The following PCDHGA3 variants were observed in gnomAD, a reference collection of about 807,000 sequenced individuals.
PCDHGA3 encodes the protein protocadherin gamma subfamily A, 3, also known as protocadherin gamma-A3.
PCDHGA3 carries 40 observed loss-of-function variants against 58.5 expected under a neutral mutation model. The observed-to-expected ratio is 0.68, with a 90% CI of 0.53 to 0.89. PCDHGA3 has a LOEUF of 0.89. Among genes scored for constraint, PCDHGA3 ranks in the 40% least tolerant of loss-of-function variants. PCDHGA3 has a pLI of 0.00. For missense variants in PCDHGA3, 1,223 were observed against 1,195.9 expected, an observed-to-expected ratio of 1.02 and a Z score of -0.33; for synonymous variants, 530 against 525.7, an observed-to-expected ratio of 1.01 and a Z score of -0.11.
At chr5:141,350,909 C>T (rs1289201700) in intron 1 of PCDHGA3, 1 of 1,614,066 alleles carries the variant, frequency 6.2e-7, no homozygotes. Flanking sequence ...TGGCGGGGAC[C>T]CGCCTCTAAG....
chr5:141,494,878 T>A lies in PCDHGA3; in HGVS notation c.2483+13T>A. Reference sequence around the variant, plus strand: ...CCGGCACCAGCGGGTAGGTGACTGATTCTCCAGCCCACCCTCTTCTCTGCG... The same window carrying A: ...CCGGCACCAGCGGGTAGGTGACTGAATCTCCAGCCCACCCTCTTCTCTGCG... On this transcript the variant is annotated intron_variant, in intron 2 of 3. Coordinates refer to ENST00000253812, the MANE Select transcript of PCDHGA3 (RefSeq NM_018916.4). The A allele has an allele frequency of 6.2e-7, 1 of 1,614,072 alleles. No homozygotes were observed. The highest frequency in any genetic ancestry group is 8.5e-7 in the Non-Finnish European group (1 of 1,179,986).
chr5:141,352,257 A>C, intron 1 of PCDHGA3: 2 of 1,614,052 alleles, frequency 1.2e-6, no homozygotes, highest in South Asian at 2.2e-5. Context: ...AGCCTGCAAG[A>C]GGTATTGCCA....
chr5:141,436,501 G>A (rs1382579407), intron 1 of PCDHGA3, among the ~76,000 whole-genome samples: 1 of 152,118 alleles, frequency 6.6e-6, no homozygotes, highest in Admixed American at 6.5e-5. Context: ...TTGCAATTAG[G>A]TAAATTGTTA....
At position 141,388,709 on chromosome 5, in the gene PCDHGA3, C is replaced by G. The variant is rs370023698; in HGVS notation, c.2424+42252C>G. On this transcript the variant is annotated intron_variant, in intron 1 of 3. Coordinates refer to ENST00000253812, the MANE Select transcript of PCDHGA3 (RefSeq NM_018916.4). Reference sequence around the variant, plus strand: ...CGGACCAGGATGAGGGTGTCAATGCCGAGATTACTTTCTCTTTCAGTGAAG... The same window carrying G: ...CGGACCAGGATGAGGGTGTCAATGCGGAGATTACTTTCTCTTTCAGTGAAG... 1.4e-5 allele frequency: 22 copies of G among 1,613,938 alleles called. No individual in the cohort carries two copies. In the Admixed American group the frequency reaches 3.7e-4, roughly 27 times the overall value.
Position 141,374,129 on chromosome 5 carries a change from C to T in PCDHGA3, c.2424+27672C>T. 4 of 1,603,566 alleles carry T rather than the reference C, an allele frequency of 2.5e-6. No individual in the cohort carries two copies. In the South Asian group the frequency reaches 4.4e-5, roughly 18 times the overall value. On this transcript the variant is annotated intron_variant, in intron 1 of 3. Transcript: ENST00000253812. ...TCCGCAGCGCAGCGAGCAGGTCCTG[C>T]TCCTCACGCTCCTGGGGACGCTGTG... is the stretch of plus-strand genomic sequence containing the variant.
intron 1 of PCDHGA3, chr5:141,403,819 T>A (rs1264553327): frequency 1.2e-6 from 2 of 1,613,784 alleles, no homozygotes; most frequent in Admixed American, 3.3e-5. Flanking sequence ...AAAAACAATC[T>A]CTGCTATTCC....
At chr5:141,398,811 C>G in intron 1 of PCDHGA3, 1 of 1,613,980 alleles carries the variant, frequency 6.2e-7, no homozygotes. Context: ...CCACTGAGCT[C>G]CGGATCCAGG....
intron 3 of PCDHGA3, chr5:141,507,274 C>T (rs1000866082): frequency 1.3e-5 from 2 of 151,532 alleles, no homozygotes; most frequent in Non-Finnish European, 2.9e-5. Context: ...ACTATTTCAG[C>T]ATAAGTCAGT....
At chr5:141,456,312 G>A (rs1036961015) in intron 1 of PCDHGA3, among the ~76,000 whole-genome samples, 2 of 152,126 alleles carry the variant, frequency 1.3e-5, no homozygotes, top group African/African-American at 4.8e-5. Flanking sequence ...AGCAGCTAGG[G>A]CTCCTCCTGG....
rs371232283 is a variant in PCDHGA3, at chr5:141,390,337, C to T, written c.2424+43880C>T. ...CATTGCCTACCCATTTCTCCATATT[C>T]ACAAGAAAATATACATATTTGCAGG... On this transcript the variant is annotated intron_variant, in intron 1 of 3. Coordinates refer to ENST00000253812, the MANE Select transcript of PCDHGA3 (RefSeq NM_018916.4). 9.4e-6 allele frequency: 15 copies of T among 1,595,800 alleles called. No homozygotes were observed. In the African/African-American group the frequency reaches 1.5e-4, roughly 16 times the overall value.
intron 1 of PCDHGA3, chr5:141,421,294 A>G (rs779984795): frequency 1.9e-6 from 3 of 1,613,304 alleles, no homozygotes; most frequent in Non-Finnish European, 2.5e-6. Context: ...TTTCCTGGGG[A>G]CGCTGCGGGG....
At chr5:141,480,942 G>T (rs2099528600) in intron 1 of PCDHGA3, among the ~76,000 whole-genome samples, 3 of 152,132 alleles carry the variant, frequency 2.0e-5, no homozygotes, top group Non-Finnish European at 2.9e-5. Flanking sequence ...CTACTCTAGA[G>T]GCTGAGGCGG....
chr5:141,415,128 G>C (rs376477668), intron 1 of PCDHGA3: 33 of 1,613,528 alleles, frequency 2.0e-5, no homozygotes, highest in Admixed American at 5.0e-5. Context: ...TGGCCGTCCA[G>C]GACCACGGCC....
chr5:141,428,267 T>C, intron 1 of PCDHGA3: 1 of 796,264 alleles, frequency 1.3e-6, no homozygotes, highest in Non-Finnish European at 2.1e-6. Context: ...GACAGTCCTG[T>C]GCCCTCTGAT....
chr5:141,366,387 A>G, intron 1 of PCDHGA3: 1 of 1,614,088 alleles, frequency 6.2e-7, no homozygotes, highest in East Asian at 2.2e-5. Context: ...GACCCTGAGG[A>G]TCTGGACCTC....
intron 1 of PCDHGA3, chr5:141,410,254 C>T: frequency 3.1e-6 from 5 of 1,614,020 alleles, no homozygotes; most frequent in Non-Finnish European, 3.4e-6. Flanking sequence ...TCTCTGACCC[C>T]CAGGCTGAAC....
At chr5:141,409,858 G>A in intron 1 of PCDHGA3, 2 of 1,612,340 alleles carry the variant, frequency 1.2e-6, no homozygotes, top group Non-Finnish European at 1.7e-6. Context: ...GCGTGTTGGT[G>A]GGAGACCGCA....
In PCDHGA3 at chr5:141,489,610, C is replaced by A; in HGVS notation, c.2425-5197C>A. 6.2e-7 allele frequency: 1 copy of A among 1,614,090 alleles called. No individual in the cohort carries two copies. Among genetic ancestry groups the A allele is most frequent in the Non-Finnish European group, 8.5e-7 (1 of 1,179,990 alleles). ...GCTAATCCGTGTAGAGGTAGAGATCCTGGATCTCAATGACAACTCTCCTAG... is the reference window on the plus strand; with the variant it reads ...GCTAATCCGTGTAGAGGTAGAGATCATGGATCTCAATGACAACTCTCCTAG... On this transcript the variant is annotated intron_variant, in intron 1 of 3. Transcript: ENST00000253812. The surrounding 1 kb of genome is among the most constrained non-coding windows in gnomAD (Gnocchi z 4.5).
intron 1 of PCDHGA3, chr5:141,395,381 A>T (rs562557513): frequency 2.7e-6 from 3 of 1,094,770 alleles, no homozygotes; most frequent in Non-Finnish European, 3.8e-6. Flanking sequence ...TGGTGTTACT[A>T]TAAAATTGAA....
Sources: gnomAD v4.1 joint callset for allele counts (sites outside exome capture counted in the v4.1 genomes callset) on GRCh38, gnomAD v4.1.1 for gene constraint, Gnocchi (gnomAD v3.1) non-coding constraint, MANE v1.5 for transcripts, NCBI Gene and HGNC (gene_info 2026-07-23, HGNC 2026-07-21) for gene names.